The following CDC42BPB variants were observed in gnomAD, a reference collection of about 807,000 sequenced individuals.
CDC42BPB encodes the protein CDC42 binding protein kinase beta.
In CDC42BPB, 37 loss-of-function variants were observed where a neutral mutation model predicts 214.9. That is an observed-to-expected ratio of 0.17 (90% CI 0.13 to 0.23). The LOEUF (loss-of-function observed/expected upper bound fraction) is 0.23, where lower values mean the gene tolerates loss of function less well. CDC42BPB is among the 10% of genes least tolerant of loss of function. CDC42BPB has a pLI of 1.00. For missense variants in CDC42BPB, 1,694 were observed against 2,227.0 expected (o/e 0.76, Z 4.82); for synonymous variants, 931 against 884.0 (o/e 1.05, Z -0.94).
intron 21 of CDC42BPB, among the ~76,000 whole-genome samples, chr14:102,955,192 G>A (rs571309608): frequency 2.0e-5 from 3 of 152,220 alleles, no homozygotes; most frequent in African/African-American, 7.2e-5. Flanking sequence ...GGAGGCTGAG[G>A]GGGGCAGACC....
intron 23 of CDC42BPB, among the ~76,000 whole-genome samples, chr14:102,953,422 G>A (rs147468874): frequency 6.6e-6 from 1 of 152,366 alleles, no homozygotes; most frequent in East Asian, 1.9e-4. Context: ...CTTGGTCCCT[G>A]ACTCTGCAAG....
chr14:102,938,553 A>G (rs1443520267), intron 34 of CDC42BPB, 142 bp from the exon 35 acceptor site: 1 of 1,426,466 alleles, frequency 7.0e-7, no homozygotes, highest in East Asian at 2.6e-5. Context: ...GGATTGGACA[A>G]GGGTTCTGGA....
At chr14:103,005,072 G>A (rs1462598291) in intron 3 of CDC42BPB, among the ~76,000 whole-genome samples, 1 of 151,830 alleles carries the variant, frequency 6.6e-6, no homozygotes, top group Admixed American at 6.6e-5. Flanking sequence ...GGAGGCTGAG[G>A]CAGGAGAATG....
chr14:102,970,033 C>G (rs1893403854), intron 14 of CDC42BPB, 118 bp downstream of exon 14: 4 of 764,050 alleles, frequency 5.2e-6, no homozygotes, highest in African/African-American at 1.7e-5. Context: ...CTTGTCTGAA[C>G]AGCCTCGGGT....
chr14:103,035,338 T>C (rs1887607090), intron 1 of CDC42BPB, among the ~76,000 whole-genome samples: 1 of 152,142 alleles, frequency 6.6e-6, no homozygotes, highest in East Asian at 1.9e-4. Context: ...ATTACAGGTG[T>C]GAGCCACCGC....
intron 1 of CDC42BPB, among the ~76,000 whole-genome samples, chr14:103,039,923 A>T (rs936306312): frequency 3.9e-5 from 6 of 152,234 alleles, no homozygotes; most frequent in Middle Eastern, 3.2e-3. Flanking sequence ...AAAACTAATT[A>T]AAAAGTTCAG....
chr14:102,994,367 T>A (rs1375626094), intron 5 of CDC42BPB, among the ~76,000 whole-genome samples: 1 of 141,490 alleles, frequency 7.1e-6, no homozygotes, highest in African/African-American at 2.4e-5. Context: ...GTGGTGGTGG[T>A]TGATTTTTTT....
Position 102,959,624 on chromosome 14 carries a change from G to A in CDC42BPB, c.2901+7C>T. The A allele has an allele frequency of 1.3e-6, 2 of 1,564,434 alleles. No individual in the cohort carries two copies. Among genetic ancestry groups the A allele is most frequent in the Non-Finnish European group, 1.7e-6 (2 of 1,145,138 alleles). On this transcript the variant is annotated splice_region_variant and intron_variant, in intron 21 of 36. Coordinates refer to ENST00000361246, the MANE Select transcript of CDC42BPB (RefSeq NM_006035.4). ...ATCTGTCACTTAAAAAAAAAACAATGACTTACTCTAAATGTCAGGTCATGT... is the reference window on the plus strand; with the variant it reads ...ATCTGTCACTTAAAAAAAAAACAATAACTTACTCTAAATGTCAGGTCATGT...
At chr14:102,966,208 A>G in intron 18 of CDC42BPB, 74 bp downstream of exon 18, 1 of 1,134,618 alleles carries the variant, frequency 8.8e-7, no homozygotes, top group Non-Finnish European at 1.3e-6. Context: ...AATAGTACTT[A>G]TATGTCACAT....
chr14:103,031,516 C>A (rs1451164263), intron 1 of CDC42BPB, among the ~76,000 whole-genome samples: 3 of 152,206 alleles, frequency 2.0e-5, no homozygotes, highest in African/African-American at 7.2e-5. Flanking sequence ...AAAAATGCTT[C>A]TCCTTAAACA....
rs1000071597 is a variant in CDC42BPB at position 102,971,626 on chromosome 14, G to A, written c.1884+293C>T. On this transcript the variant is annotated intron_variant, in intron 13 of 36. Transcript: ENST00000361246. ...CTTTCTACTGCCACCTGCCCTGTGT[G>A]GACTGCAGGTGTCTTATTCACATAA... Among the ~76,000 whole-genome samples, 3 of 152,180 alleles carry A rather than the reference G, an allele frequency of 2.0e-5. 1 individual carries two copies. The highest frequency in any genetic ancestry group is 4.8e-5 in the African/African-American group (2 of 41,432).
chr14:103,053,304 A>C (rs940487586), intron 1 of CDC42BPB, among the ~76,000 whole-genome samples: 39 of 151,624 alleles, frequency 2.6e-4, no homozygotes, highest in African/African-American at 9.5e-4. Context: ...CCAAGATCGC[A>C]CCACTGCACT....
intron 1 of CDC42BPB, among the ~76,000 whole-genome samples, chr14:103,047,477 G>A (rs185631525): frequency 5.4e-4 from 82 of 152,190 alleles, no homozygotes; most frequent in African/African-American, 1.7e-3. Context: ...AACCATCGTG[G>A]TCTCCGACTT....
rs190666054 is a variant in CDC42BPB, at chr14:102,959,223, G to T, written c.2901+408C>A. On this transcript the variant is annotated intron_variant, in intron 21 of 36. Coordinates refer to ENST00000361246, the MANE Select transcript of CDC42BPB (RefSeq NM_006035.4). ...GAGGCAGGAGAATCACTTGAACCCG[G>T]GAGGCAGAAGTTGCAGTGAGCCAAG... Among the ~76,000 whole-genome samples the T allele has an allele frequency of 1.6e-3, 249 of 151,780 alleles. 1 individual carries two copies. The highest frequency in any genetic ancestry group is 5.4e-3 in the South Asian group (26 of 4,776).
chr14:103,053,552 G>A (rs934443636), intron 1 of CDC42BPB, among the ~76,000 whole-genome samples: 12 of 151,772 alleles, frequency 7.9e-5, no homozygotes, highest in African/African-American at 2.4e-4. Flanking sequence ...ACGAGGTCTG[G>A]AGATCGAGAC....
At chr14:103,028,990 A>G (rs575905119) in intron 1 of CDC42BPB, among the ~76,000 whole-genome samples, 7 of 152,334 alleles carry the variant, frequency 4.6e-5, no homozygotes, top group Non-Finnish European at 8.8e-5. Flanking sequence ...TCCAGAGCCA[A>G]GTACTGAATT....
chr14:102,969,136 G>A (rs1893357802), intron 14 of CDC42BPB, among the ~76,000 whole-genome samples: 1 of 152,208 alleles, frequency 6.6e-6, no homozygotes, highest in Admixed American at 6.5e-5. Flanking sequence ...GGAGTGGAGG[G>A]CGTGCCAGGA....
chr14:102,958,506 C>T (rs1892809498), intron 21 of CDC42BPB, among the ~76,000 whole-genome samples: 1 of 152,150 alleles, frequency 6.6e-6, no homozygotes, highest in African/African-American at 2.4e-5. Context: ...CTCCACTCTC[C>T]CTGCTCCAAT....
chr14:102,960,816 A>G (rs1456461795), intron 20 of CDC42BPB, among the ~76,000 whole-genome samples: 4 of 151,990 alleles, frequency 2.6e-5, no homozygotes, highest in Non-Finnish European at 5.9e-5. Flanking sequence ...AACTGGATAC[A>G]CTCCTCGAAC....
Sources: gnomAD v4.1 joint callset for allele counts (sites outside exome capture counted in the v4.1 genomes callset) on GRCh38, gnomAD v4.1.1 for gene constraint, MANE v1.5 for transcripts, NCBI Gene and HGNC (gene_info 2026-07-23, HGNC 2026-07-21) for gene names.